TTLL7: variants seen among roughly 807,000 people sequenced by gnomAD.
The protein encoded by TTLL7 is tubulin polyglutamylase TTLL7.
A neutral mutation model predicts 120.2 loss-of-function variants in TTLL7; 53 were observed. The observed-to-expected ratio is 0.44, with a 90% CI of 0.35 to 0.55. The LOEUF is 0.55. Ranked by LOEUF, TTLL7 falls within the 20% of genes least tolerant of loss-of-function variation. TTLL7 has a pLI of 0.00. For synonymous variants in TTLL7, 353 were observed against 351.7 expected (o/e 1.00, Z -0.04); for missense variants, 803 against 1,054.7 (o/e 0.76, Z 3.31).
intron 7 of TTLL7, 78 bp from the exon 8 acceptor site, chr1:83,938,094 T>G: frequency 7.4e-7 from 1 of 1,351,708 alleles, no homozygotes; most frequent in Non-Finnish European, 1.0e-6. Flanking sequence ...AAAAAGACAC[T>G]CAAAGACTAA....
intron 3 of TTLL7, 147 bp from the exon 4 acceptor site, chr1:83,950,133 G>T: frequency 1.4e-6 from 1 of 727,386 alleles, no homozygotes; most frequent in Non-Finnish European, 2.1e-6. Context: ...AGTTACAACA[G>T]TTTTATCTAG....
chr1:83,993,180 T>C (rs1206328226), intron 1 of TTLL7, among the ~76,000 whole-genome samples: 1 of 152,150 alleles, frequency 6.6e-6, no homozygotes, highest in Admixed American at 6.5e-5. Flanking sequence ...TCATTTCACT[T>C]ACAAAACAAA....
At chr1:83,908,831 T>C (rs1173844456) in intron 15 of TTLL7, among the ~76,000 whole-genome samples, 1 of 151,954 alleles carries the variant, frequency 6.6e-6, no homozygotes, top group Non-Finnish European at 1.5e-5. Flanking sequence ...TAAACCTTTA[T>C]AAAGGGAATA....
At chr1:83,888,320 G>A (rs765311612) in intron 19 of TTLL7, among the ~76,000 whole-genome samples, 1 of 151,984 alleles carries the variant, frequency 6.6e-6, no homozygotes. Context: ...GGGCTGTGGA[G>A]TTCAAATGTT....
intron 3 of TTLL7, 47 bp from the exon 4 acceptor site, chr1:83,950,033 AT>A (rs770286925): frequency 2.0e-6 from 3 of 1,494,668 alleles, no homozygotes; most frequent in Non-Finnish European, 2.7e-6. Flanking sequence ...TACTTCTGAA[AT>A]ATATTCATTG....
At chr1:83,881,529 C>T (rs1654468146) in intron 20 of TTLL7, among the ~76,000 whole-genome samples, 1 of 152,080 alleles carries the variant, frequency 6.6e-6, no homozygotes, top group Middle Eastern at 3.2e-3. Flanking sequence ...AAATCAAAAC[C>T]ACAATGAGAT....
At chr1:83,948,789 GTT>G in intron 4 of TTLL7, 94 bp from the exon 5 acceptor site, 1 of 844,604 alleles carries the variant, frequency 1.2e-6, no homozygotes, top group Non-Finnish European at 1.9e-6. Context: ...TGAGTTTTAT[GTT>G]TTAATAAACT....
At chr1:83,957,199 T>C (rs1649606235) in intron 1 of TTLL7, among the ~76,000 whole-genome samples, 1 of 152,292 alleles carries the variant, frequency 6.6e-6, no homozygotes, top group Admixed American at 6.5e-5. Context: ...ACATTGCTGA[T>C]ATATTTTATG....
rs543913634 is a variant in TTLL7 at position 83,968,616 on chromosome 1, C to T, written c.-176-16229G>A. On this transcript the variant is annotated intron_variant, in intron 1 of 20. Transcript: ENST00000260505. ...ACTGACCTGGAAAACTGTCATTTCT[C>T]TTGGTCTCTTTTAACATTGAGACTA... Among the ~76,000 whole-genome samples, 14 of 152,176 alleles carry T rather than the reference C, an allele frequency of 9.2e-5. No homozygotes were observed. The South Asian group carries it at 2.9e-3, about 32-fold the overall frequency.
intron 6 of TTLL7, among the ~76,000 whole-genome samples, chr1:83,944,769 T>G (rs1648315800): frequency 6.6e-6 from 1 of 152,164 alleles, no homozygotes; most frequent in African/African-American, 2.4e-5. Flanking sequence ...TCCTCATTTT[T>G]CCTAATGAAT....
intron 8 of TTLL7, 120 bp from the exon 9 acceptor site, chr1:83,933,886 C>A: frequency 2.4e-6 from 2 of 843,308 alleles, no homozygotes; most frequent in South Asian, 3.4e-5. Flanking sequence ...TGGCATCTAG[C>A]CCCTGCCACT....
chr1:83,952,059 C>A, intron 2 of TTLL7, 83 bp from the exon 3 acceptor site: 1 of 1,511,190 alleles, frequency 6.6e-7, no homozygotes, highest in Non-Finnish European at 9.1e-7. Flanking sequence ...CCACCCCACA[C>A]CAAGGTAAAA....
chr1:83,998,930 C>A lies in TTLL7; in HGVS notation c.-177+1G>T, dbSNP rs1162048503. The A allele has an allele frequency of 2.4e-6, 1 of 409,878 alleles. No homozygotes were observed. Among genetic ancestry groups the A allele is most frequent in the Non-Finnish European group, 4.9e-6 (1 of 204,310 alleles). The allele number at this position is 409,878 out of a possible 1,614,324, so 25.4% of individuals were successfully genotyped here. A position where few individuals can be genotyped will look rare whatever the true frequency, so the allele number is the denominator to read the frequency against. On this transcript the variant is annotated splice_donor_variant, in intron 1 of 20. Coordinates refer to ENST00000260505, the MANE Select transcript of TTLL7 (RefSeq NM_024686.6). LOFTEE classifies it low-confidence loss of function (5UTR_SPLICE). ...GGAGGATGGCGGCAGCAGGTACTCACCCGGGTGAGGAAAGCCCAGCCCGGG... is the reference window on the plus strand; with the variant it reads ...GGAGGATGGCGGCAGCAGGTACTCAACCGGGTGAGGAAAGCCCAGCCCGGG...
chr1:83,899,645 T>C (rs894021675), intron 18 of TTLL7, among the ~76,000 whole-genome samples: 2 of 151,946 alleles, frequency 1.3e-5, no homozygotes, highest in African/African-American at 4.8e-5. Context: ...TTAACAAGCT[T>C]TTCCTGAAGA....
intron 20 of TTLL7, among the ~76,000 whole-genome samples, chr1:83,878,692 G>A (rs1453223837): frequency 6.6e-6 from 1 of 152,002 alleles, no homozygotes; most frequent in Non-Finnish European, 1.5e-5. Context: ...AAGCAGAAGT[G>A]CTAACTTGGT....
intron 1 of TTLL7, among the ~76,000 whole-genome samples, chr1:83,991,690 A>G (rs1258338757): frequency 2.0e-5 from 3 of 152,092 alleles, no homozygotes; most frequent in Non-Finnish European, 2.9e-5. Flanking sequence ...CAAAATATTC[A>G]CTGGAAGAAA....
At chr1:83,873,316 G>T (rs79330363) in intron 20 of TTLL7, among the ~76,000 whole-genome samples, 6,254 of 152,218 alleles carry the variant, frequency 0.041, 152 homozygotes, top group Middle Eastern at 0.099. Context: ...TGGATTATTT[G>T]CCTTAATATT....
chr1:83,909,408 T>G (rs1657494942), intron 15 of TTLL7, among the ~76,000 whole-genome samples: 1 of 151,844 alleles, frequency 6.6e-6, no homozygotes, highest in African/African-American at 2.4e-5. Context: ...GAAATAAGTT[T>G]GAATTTTTCA....
rs535400306 is a variant in TTLL7 at position 83,883,108 on chromosome 1, T to C, written c.2398A>G (p.Ser800Gly). The part of the protein sequence containing the change: ...GSSWESIFNK[S>G]PEVVTPLQLQ... ...TGCAAAGGAGTCACCACCTCCGGGC[T>C]TTTATTGAATATACTCTCCCAAGAG... Residue 800 changes from serine (S) to glycine (G), a missense_variant, in exon 20 of 21, where the codon AGC becomes GGC. Transcript: ENST00000260505. 6.2e-7 allele frequency: 1 copy of C among 1,608,900 alleles called. No homozygotes were observed. Among genetic ancestry groups the C allele is most frequent in the Non-Finnish European group, 8.5e-7 (1 of 1,177,620 alleles).
Sources: gnomAD v4.1 joint callset for allele counts (sites outside exome capture counted in the v4.1 genomes callset) on GRCh38, gnomAD v4.1.1 for gene constraint, MANE v1.5 for transcripts, NCBI Gene and HGNC (gene_info 2026-07-23, HGNC 2026-07-21) for gene names.